The following FRK variants were observed in gnomAD, a reference collection of about 807,000 sequenced individuals.
FRK encodes tyrosine-protein kinase FRK.
In FRK, 51 loss-of-function variants were observed where a neutral mutation model predicts 56.4. That is an observed-to-expected ratio of 0.90 (90% CI 0.72 to 1.14). The LOEUF (loss-of-function observed/expected upper bound fraction) is 1.14, where lower values mean the gene tolerates loss of function less well. Ranked by LOEUF, FRK falls within the 50% of genes most tolerant of loss-of-function variation. The pLI, the probability that FRK is intolerant of heterozygous loss-of-function variation, is 0.00. For missense variants in FRK, 570 were observed against 601.4 expected (o/e 0.95, Z 0.55); for synonymous variants, 245 against 217.9 (o/e 1.12, Z -1.10).
chr6:115,973,901 A>G (rs114535315), intron 2 of FRK, among the ~76,000 whole-genome samples: 1,796 of 151,946 alleles, frequency 0.012, 34 homozygotes, highest in African/African-American at 0.041. Flanking sequence ...ACAAAAAGTC[A>G]AAGACAGCTG....
chr6:116,065,614 GTC>G (rs890135321), upstream of FRK, among the ~76,000 whole-genome samples: 1 of 152,164 alleles, frequency 6.6e-6, no homozygotes, highest in African/African-American at 2.4e-5. Flanking sequence ...CGAATAAAAT[GTC>G]TCTGTCTTTA....
chr6:116,025,210 T>G (rs1776043315), intron 1 of FRK, among the ~76,000 whole-genome samples: 1 of 152,124 alleles, frequency 6.6e-6, no homozygotes, highest in Non-Finnish European at 1.5e-5. Context: ...TGCTTCTTTG[T>G]TTAGAAAGGT....
At chr6:116,091,763 A>AC in the FRK span, among the ~76,000 whole-genome samples, 1 of 151,758 alleles carries the variant, frequency 6.6e-6, no homozygotes, top group African/African-American at 2.4e-5. Context: ...CTCTCTGACA[A>AC]CCCCCGGCTC....
chr6:115,962,351 C>G (rs549784014), intron 4 of FRK, among the ~76,000 whole-genome samples: 1 of 151,436 alleles, frequency 6.6e-6, no homozygotes, highest in South Asian at 2.1e-4. Context: ...GCTAACTATC[C>G]TAAATATTTA....
At chr6:116,095,919 T>C in the FRK span, among the ~76,000 whole-genome samples, 1 of 152,186 alleles carries the variant, frequency 6.6e-6, no homozygotes, top group East Asian at 1.9e-4. Context: ...GGAAAAGGCT[T>C]CTGATATCAG....
chr6:116,017,806 A>G (rs1006115276), intron 1 of FRK, among the ~76,000 whole-genome samples: 1 of 152,106 alleles, frequency 6.6e-6, no homozygotes, highest in African/African-American at 2.4e-5. Context: ...TTCTCTTAAC[A>G]TCTTCTCCTA....
chr6:115,959,206 T>C (rs746280918), intron 4 of FRK, among the ~76,000 whole-genome samples: 32 of 152,236 alleles, frequency 2.1e-4, no homozygotes, highest in Non-Finnish European at 4.3e-4. Context: ...TCATATTGAT[T>C]AATGGCCCCA....
chr6:115,972,281 A>G (rs527428460), intron 2 of FRK, among the ~76,000 whole-genome samples: 2 of 152,240 alleles, frequency 1.3e-5, no homozygotes, highest in East Asian at 3.9e-4. Context: ...ATATTTACAC[A>G]TCCCTTGCCC....
intron 2 of FRK, among the ~76,000 whole-genome samples, chr6:115,990,270 CTTTAG>C (rs1211717098): frequency 6.6e-6 from 1 of 151,828 alleles, no homozygotes. Context: ...TGCAGAAGCT[CTTTAG>C]TTTAATTAAG....
At chr6:115,984,421 T>A (rs546290278) in intron 2 of FRK, among the ~76,000 whole-genome samples, 1 of 152,148 alleles carries the variant, frequency 6.6e-6, no homozygotes, top group African/African-American at 2.4e-5. Flanking sequence ...TATGGGAAAG[T>A]GAAGCTGAGA....
At chr6:115,968,919 T>C (rs1310862783) in intron 2 of FRK, among the ~76,000 whole-genome samples, 180 bp from the exon 3 acceptor site, 4 of 151,672 alleles carry the variant, frequency 2.6e-5, no homozygotes, top group Admixed American at 2.6e-4. Flanking sequence ...AAAGAGAGAG[T>C]GTGAGAACTG....
At chr6:116,031,713 G>C (rs1274533351) in intron 1 of FRK, among the ~76,000 whole-genome samples, 1 of 152,064 alleles carries the variant, frequency 6.6e-6, no homozygotes. Context: ...ATCAAGATCA[G>C]CTAGAAATAG....
rs1311991671 is a variant in FRK at position 116,060,049 on chromosome 6, C to A, written c.263G>T (p.Arg88Ile). The change falls in exon 1 of 8, where the codon AGA (arginine) becomes ATA (isoleucine). Residue 88 changes from arginine to isoleucine, a missense_variant. Arg to Ile is a moderately conservative substitution (Grantham distance 97). Transcript: ENST00000606080. Reference sequence around the variant, plus strand: ...TAGTTGCTGACTGGAGCCATCTCGTCTTTTCTCCAAGTGTCTGGCAAACCA... The same window carrying A: ...TAGTTGCTGACTGGAGCCATCTCGTATTTTCTCCAAGTGTCTGGCAAACCA... ...GWWFARHLEK[R>I]RDGSSQQLQG... 6.2e-6 allele frequency: 10 copies of A among 1,614,174 alleles called. No homozygotes were observed. The highest frequency in any genetic ancestry group is 8.5e-6 in the Non-Finnish European group (10 of 1,180,034).
At chr6:115,967,130 T>C (rs1773610378) in intron 4 of FRK, among the ~76,000 whole-genome samples, 3 of 152,222 alleles carry the variant, frequency 2.0e-5, no homozygotes. Context: ...TTTCTTTAGA[T>C]GGACCATTTT....
At chr6:116,056,320 T>C (rs745784050) in intron 1 of FRK, among the ~76,000 whole-genome samples, 13 of 151,610 alleles carry the variant, frequency 8.6e-5, no homozygotes, top group Non-Finnish European at 1.3e-4. Flanking sequence ...GTTTAAGCAG[T>C]CTTCCTGCCC....
intron 5 of FRK, among the ~76,000 whole-genome samples, chr6:115,946,122 T>C (rs926163027): frequency 3.3e-5 from 5 of 152,144 alleles, no homozygotes; most frequent in Non-Finnish European, 7.3e-5. Context: ...ATATTACTCT[T>C]ATATATCCCC....
the FRK span, among the ~76,000 whole-genome samples, chr6:116,090,416 ATCT>A: frequency 6.6e-6 from 1 of 152,212 alleles, no homozygotes; most frequent in Non-Finnish European, 1.5e-5. Context: ...TAGTACATAC[ATCT>A]TCTTTTTCTG....
At chr6:116,068,259 A>C in the FRK span, among the ~76,000 whole-genome samples, 2 of 152,210 alleles carry the variant, frequency 1.3e-5, no homozygotes, top group African/African-American at 4.8e-5. Flanking sequence ...ACTTAATTCT[A>C]AATTTATTCC....
intron 1 of FRK, among the ~76,000 whole-genome samples, chr6:116,015,755 G>C (rs1775623775): frequency 6.6e-6 from 1 of 152,144 alleles, no homozygotes; most frequent in South Asian, 2.1e-4. Flanking sequence ...CAAAGAGACT[G>C]GTGGCATTTT....
Sources: allele counts gnomAD v4.1 joint callset (sites outside exome capture counted in the v4.1 genomes callset), GRCh38; gene constraint gnomAD v4.1.1; transcripts MANE v1.5; gene names NCBI Gene and HGNC (gene_info 2026-07-23, HGNC 2026-07-21).